The following PDE4D variants were observed in gnomAD, a reference collection of about 807,000 sequenced individuals.
PDE4D encodes the protein 3',5'-cyclic-AMP phosphodiesterase 4D.
A neutral mutation model predicts 87.4 loss-of-function variants in PDE4D; 24 were observed. That is an observed-to-expected ratio of 0.27 (90% CI 0.20 to 0.39). PDE4D has a LOEUF of 0.39. Ranked by LOEUF, PDE4D falls within the 10% of genes least tolerant of loss-of-function variation. PDE4D has a pLI of 1.00. For synonymous variants in PDE4D, 384 were observed against 383.2 expected (o/e 1.00, Z -0.02); for missense variants, 714 against 1,041.0 (o/e 0.69, Z 4.32).
At chr5:59,699,979 A>G (rs1752330812) in intron 1 of PDE4D, among the ~76,000 whole-genome samples, 1 of 152,140 alleles carries the variant, frequency 6.6e-6, no homozygotes, top group Admixed American at 6.5e-5. Flanking sequence ...CTCAGGCAGG[A>G]TCCCTTTAGT....
intron 1 of PDE4D, among the ~76,000 whole-genome samples, chr5:59,441,243 G>A (rs372660858): frequency 3.3e-5 from 5 of 152,020 alleles, no homozygotes; most frequent in African/African-American, 1.2e-4. Flanking sequence ...TACAGGTATG[G>A]GCCACTGCAC....
intron 4 of PDE4D, among the ~76,000 whole-genome samples, chr5:59,181,542 T>TTATATATATATATATA (rs1561646068): frequency 1.7e-5 from 1 of 59,420 alleles, no homozygotes; most frequent in African/African-American, 6.7e-5. Flanking sequence ...CAAAGATGTC[T>TTATATATATATATATA]GATATATATA....
chr5:59,090,815 T>C (rs1284546947), intron 5 of PDE4D, among the ~76,000 whole-genome samples: 10 of 148,204 alleles, frequency 6.7e-5, no homozygotes, highest in Admixed American at 2.0e-4. Context: ...TTCTTTTTTT[T>C]TTTTTTTTTT....
chr5:59,949,932 T>C (rs1442276166), intron 3 of PDE4D, among the ~76,000 whole-genome samples: 1 of 152,202 alleles, frequency 6.6e-6, no homozygotes, highest in East Asian at 1.9e-4. Flanking sequence ...TTTATGATTA[T>C]AACACAAAAG....
At chr5:59,994,960 T>C (rs1763384314) in intron 2 of PDE4D, among the ~76,000 whole-genome samples, 1 of 152,194 alleles carries the variant, frequency 6.6e-6, no homozygotes, top group Non-Finnish European at 1.5e-5. Flanking sequence ...GCACCTCCTT[T>C]TGCTTAAGCA....
intron 1 of PDE4D, among the ~76,000 whole-genome samples, chr5:59,284,839 T>G (rs1766570925): frequency 2.2e-5 from 1 of 45,064 alleles, no homozygotes; most frequent in East Asian, 4.8e-4. Context: ...TAGACTGGAT[T>G]AAGAAAATGT....
At chr5:60,487,159 C>T (rs149747169) in intron 1 of PDE4D, among the ~76,000 whole-genome samples, 114 of 152,336 alleles carry the variant, frequency 7.5e-4, no homozygotes, top group African/African-American at 2.5e-3. Flanking sequence ...TTATCCTAAA[C>T]CTTGTCAGCA....
intron 1 of PDE4D, among the ~76,000 whole-genome samples, chr5:59,743,391 A>T (rs543147592): frequency 6.6e-6 from 1 of 152,272 alleles, no homozygotes; most frequent in South Asian, 2.1e-4. Context: ...TTGAACAGAC[A>T]TTTCTTCAAA....
At chr5:60,086,152 T>G (rs1774503734) in intron 2 of PDE4D, among the ~76,000 whole-genome samples, 1 of 152,198 alleles carries the variant, frequency 6.6e-6, no homozygotes, top group Non-Finnish European at 1.5e-5. Context: ...TACATATTTT[T>G]GATGATTTAT....
intron 1 of PDE4D, among the ~76,000 whole-genome samples, chr5:60,212,166 AT>A (rs70975374): frequency 1.2e-4 from 18 of 151,434 alleles, no homozygotes; most frequent in Non-Finnish European, 1.9e-4. Context: ...TTATATATAT[AT>A]TTTTTTTCTC....
chr5:59,947,176 A>G (rs1411111211), intron 3 of PDE4D, among the ~76,000 whole-genome samples: 1 of 152,350 alleles, frequency 6.6e-6, no homozygotes, highest in Middle Eastern at 3.4e-3. Flanking sequence ...ACATTTGGCT[A>G]TTTCCAAATC....
Position 59,900,622 on chromosome 5 carries a change from C to A in PDE4D, c.272+87866G>T, listed in dbSNP as rs950324882. ...AAATCCCTCAGAAGATGTCATAGAA[C>A]TTTCAAAGTGACAGATTTGTGAGAC... On this transcript the variant is annotated intron_variant, in intron 3 of 16. Coordinates refer to the PDE4D transcript ENST00000502484. 7.2e-5 allele frequency among the ~76,000 whole-genome samples: 11 copies of A among 152,250 alleles called. No individual in the cohort carries two copies. The East Asian group carries it at 2.1e-3, about 29-fold the overall frequency.
chr5:59,477,807 G>A (rs1049084417), intron 1 of PDE4D, among the ~76,000 whole-genome samples: 5 of 151,956 alleles, frequency 3.3e-5, no homozygotes, highest in African/African-American at 1.2e-4. Flanking sequence ...CCTATCAGTG[G>A]TGGTTTGGAT....
At chr5:59,275,874 T>G (rs1017722971) in intron 1 of PDE4D, 8 of 985,404 alleles carry the variant, frequency 8.1e-6, no homozygotes, top group Non-Finnish European at 8.4e-6. Flanking sequence ...GGAAGTTCCA[T>G]TTCAGGGCAA....
At chr5:59,716,251 CTA>C (rs1251751517) in intron 1 of PDE4D, among the ~76,000 whole-genome samples, 1 of 152,214 alleles carries the variant, frequency 6.6e-6, no homozygotes, top group Non-Finnish European at 1.5e-5. Context: ...CTTGGAGCCA[CTA>C]TTGTCTGTAA....
chr5:59,285,954 T>A (rs1766868938), intron 1 of PDE4D, among the ~76,000 whole-genome samples: 1 of 152,170 alleles, frequency 6.6e-6, no homozygotes, highest in African/African-American at 2.4e-5. Context: ...CTGCAACCCC[T>A]CACTCTCGAT....
chr5:60,078,677 G>T lies in PDE4D; in HGVS notation c.43-89960C>A, dbSNP rs146297695. Among the ~76,000 whole-genome samples the T allele has an allele frequency of 2.6e-3, 399 of 152,236 alleles. 3 individuals carry two copies. Among genetic ancestry groups the T allele is most frequent in the African/African-American group, 8.7e-3 (363 of 41,540 alleles). On this transcript the variant is annotated intron_variant, in intron 2 of 16. Coordinates refer to the PDE4D transcript ENST00000502484. ...CCAGTGTTAGTTTCTGAGGATGATG[G>T]CTTCCAGCTTCATCCATGTTCCTGC...
rs534998996 is a variant in PDE4D at position 60,345,198 on chromosome 5, A to G, written c.-90+142744T>C. Among the ~76,000 whole-genome samples the G allele has an allele frequency of 3.9e-5, 6 of 152,192 alleles. No individual in the cohort carries two copies. In the South Asian group the frequency reaches 1.2e-3, roughly 32 times the overall value. On this transcript the variant is annotated intron_variant, in intron 1 of 16. Coordinates refer to the PDE4D transcript ENST00000502484. ...ATTCTCAGCAAACTATCGCAAGAAC[A>G]AAAAACCAAACACCACATATTCTCA...
chr5:59,964,849 G>A (rs1759841990), intron 3 of PDE4D, among the ~76,000 whole-genome samples: 1 of 152,008 alleles, frequency 6.6e-6, no homozygotes, highest in African/African-American at 2.4e-5. Context: ...TCTTGCTGAC[G>A]TCTGTATCCT....
Sources: gnomAD v4.1 joint callset for allele counts (sites outside exome capture counted in the v4.1 genomes callset) on GRCh38, gnomAD v4.1.1 for gene constraint, MANE v1.5 for transcripts, NCBI Gene and HGNC (gene_info 2026-07-23, HGNC 2026-07-21) for gene names.